Variants in AXDND1 observed in about 807,000 individuals in gnomAD.
AXDND1 encodes the protein axonemal dynein light chain domain-containing protein 1.
A neutral mutation model predicts 137.5 loss-of-function variants in AXDND1; 110 were observed. The ratio of observed to expected loss-of-function variants is 0.80; its 90% confidence interval spans 0.69 to 0.94. The LOEUF (loss-of-function observed/expected upper bound fraction) is 0.94, where lower values mean the gene tolerates loss of function less well. AXDND1 is among the 40% of genes least tolerant of loss of function. The probability of loss-of-function intolerance (pLI) is 0.00; values close to 1 mark genes in which losing one functional copy is unlikely to be tolerated. For missense variants in AXDND1, 1,191 were observed against 1,169.8 expected (o/e 1.02, Z -0.26); for synonymous variants, 414 against 399.7 (o/e 1.04, Z -0.43).
chr1:179,379,664 C>T lies in AXDND1; in HGVS notation c.581+182C>T, dbSNP rs1384805246. 8.6e-5 allele frequency among the ~76,000 whole-genome samples: 13 copies of T among 151,964 alleles called. No individual in the cohort carries two copies. In the East Asian group the frequency reaches 1.7e-3, roughly 20 times the overall value. The stretch of plus-strand genomic sequence containing the variant: ...CAAAAATATTAGCTGGGTGTGGTGG[C>T]GGGTGCCTGTAATCCCAGCTACTGG... On this transcript the variant is annotated intron_variant, in intron 6 of 25. Transcript: ENST00000367618.
intron 12 of AXDND1, among the ~76,000 whole-genome samples, chr1:179,418,076 A>G (rs1239809996): frequency 6.6e-6 from 1 of 150,972 alleles, no homozygotes; most frequent in Non-Finnish European, 1.5e-5. Flanking sequence ...AGTGGAGGGA[A>G]GGTCAGCAGA....
intron 15 of AXDND1, among the ~76,000 whole-genome samples, chr1:179,435,249 C>T (rs112463594): frequency 0.058 from 8,795 of 152,072 alleles, 343 homozygotes; most frequent in Non-Finnish European, 0.086. Flanking sequence ...ATCAATATTG[C>T]GAAAATGGCC....
intron 25 of AXDND1, among the ~76,000 whole-genome samples, chr1:179,538,562 T>A (rs1009934805): frequency 6.6e-6 from 1 of 152,202 alleles, no homozygotes; most frequent in Non-Finnish European, 1.5e-5. Flanking sequence ...AGAGACAGTT[T>A]GTTGTGATTT....
chr1:179,513,269 A>G (rs1669222079), intron 21 of AXDND1, among the ~76,000 whole-genome samples: 1 of 152,204 alleles, frequency 6.6e-6, no homozygotes, highest in African/African-American at 2.4e-5. Flanking sequence ...AGTTTTAATC[A>G]TAAAGGGATG....
At chr1:179,432,241 T>G in intron 14 of AXDND1, 26 bp from the exon 15 acceptor site, 1 of 1,501,790 alleles carries the variant, frequency 6.7e-7, no homozygotes, top group South Asian at 1.3e-5. Flanking sequence ...CTGAGATGTT[T>G]CTCTTTTTTT....
At chr1:179,502,352 G>A (rs937215661) in intron 20 of AXDND1, among the ~76,000 whole-genome samples, 1 of 152,144 alleles carries the variant, frequency 6.6e-6, no homozygotes, top group East Asian at 1.9e-4. Context: ...ATCACCTGTG[G>A]TCAGGAGTTC....
chr1:179,419,080 C>T (rs900009220), intron 12 of AXDND1, among the ~76,000 whole-genome samples: 3 of 151,860 alleles, frequency 2.0e-5, no homozygotes, highest in Admixed American at 6.6e-5. Context: ...AGAGGCCCCC[C>T]TCACTTCCTA....
intron 15 of AXDND1, 25 bp from the exon 16 acceptor site, chr1:179,444,945 T>C (rs1347898482): frequency 4.0e-6 from 6 of 1,507,554 alleles, no homozygotes; most frequent in Non-Finnish European, 5.5e-6. Context: ...AATATGCTAC[T>C]CTCCCTCTTC....
chr1:179,391,302 G>A (rs1202842485), intron 9 of AXDND1, among the ~76,000 whole-genome samples: 4 of 151,904 alleles, frequency 2.6e-5, no homozygotes, highest in African/African-American at 9.7e-5. Context: ...TGGTTACACA[G>A]ATAAGTTCTT....
At chr1:179,492,330 C>A (rs914559715) in intron 19 of AXDND1, among the ~76,000 whole-genome samples, 8 of 152,180 alleles carry the variant, frequency 5.3e-5, no homozygotes, top group Non-Finnish European at 1.2e-4. Context: ...CCACCTTGGC[C>A]TCCCAAAGTC....
At chr1:179,505,552 G>T (rs1668453703) in intron 20 of AXDND1, among the ~76,000 whole-genome samples, 1 of 151,860 alleles carries the variant, frequency 6.6e-6, no homozygotes. Context: ...GGAGGTTGAG[G>T]CAGGAGAATC....
At chr1:179,495,339 ATTTG>A (rs1292081762) in intron 20 of AXDND1, among the ~76,000 whole-genome samples, 3 of 151,920 alleles carry the variant, frequency 2.0e-5, no homozygotes, top group Non-Finnish European at 4.4e-5. Context: ...CTATCTCTTC[ATTTG>A]TTTGTCTTTA....
At chr1:179,436,093 A>G (rs1658113640) in intron 15 of AXDND1, among the ~76,000 whole-genome samples, 1 of 152,220 alleles carries the variant, frequency 6.6e-6, no homozygotes, top group Admixed American at 6.5e-5. Flanking sequence ...AAGAAAAAAA[A>G]AGCTCAACAT....
At chr1:179,445,615 AT>A (rs1659630148) in intron 16 of AXDND1, among the ~76,000 whole-genome samples, 1 of 151,996 alleles carries the variant, frequency 6.6e-6, no homozygotes, top group Admixed American at 6.6e-5. Context: ...GTTCTGTTTG[AT>A]CTTTTGACTG....
chr1:179,418,752 C>T (rs964319413), intron 12 of AXDND1, among the ~76,000 whole-genome samples: 9 of 151,790 alleles, frequency 5.9e-5, no homozygotes, highest in East Asian at 5.9e-4. Context: ...GGGTGGCTGC[C>T]GGGCGGAGAC....
chr1:179,525,469 T>C, intron 22 of AXDND1, 22 bp downstream of exon 22: 1 of 1,571,246 alleles, frequency 6.4e-7, no homozygotes. Flanking sequence ...TGGTATTTGT[T>C]TTTCCTCCTA....
rs564105357 is a variant in AXDND1, at chr1:179,542,729, A to G, written c.3031+7767A>G. On this transcript the variant is annotated intron_variant, in intron 25 of 25. Transcript: ENST00000367618. Reference sequence around the variant, plus strand: ...GTCCATTCCCACGAAAGTCTTGAGGATTCGGTTAAATCCAGAACTGAGAAG... The same window carrying G: ...GTCCATTCCCACGAAAGTCTTGAGGGTTCGGTTAAATCCAGAACTGAGAAG... Among the ~76,000 whole-genome samples, 6 of 152,328 alleles carry G rather than the reference A, an allele frequency of 3.9e-5. No individual in the cohort carries two copies. In the East Asian group the frequency reaches 1.2e-3, roughly 29 times the overall value.
At chr1:179,530,837 G>A (rs569003961) in intron 23 of AXDND1, among the ~76,000 whole-genome samples, 67 of 152,288 alleles carry the variant, frequency 4.4e-4, no homozygotes, top group Non-Finnish European at 8.4e-4. Context: ...CTGGAGTACT[G>A]CACAAGTAGA....
intron 25 of AXDND1, chr1:179,551,055 C>T (rs564635454): frequency 1.6e-6 from 2 of 1,271,470 alleles, no homozygotes; most frequent in South Asian, 1.2e-5. Context: ...TCGTGCATTC[C>T]ATGGCCATTC....
Sources: gnomAD v4.1 joint callset for allele counts (sites outside exome capture counted in the v4.1 genomes callset) on GRCh38, gnomAD v4.1.1 for gene constraint, MANE v1.5 for transcripts, NCBI Gene and HGNC (gene_info 2026-07-23, HGNC 2026-07-21) for gene names.